The following PTPRM variants were observed in gnomAD, a reference collection of about 807,000 sequenced individuals.
The protein encoded by PTPRM is receptor-type tyrosine-protein phosphatase mu.
PTPRM carries 47 observed loss-of-function variants against 186.7 expected under a neutral mutation model. The ratio of observed to expected loss-of-function variants is 0.25; its 90% CI spans 0.20 to 0.32. PTPRM has a LOEUF of 0.32. Ranked by LOEUF, PTPRM falls within the 10% of genes least tolerant of loss-of-function variation. PTPRM has a pLI of 1.00. For missense variants in PTPRM, 1,494 were observed against 1,865.0 expected (o/e 0.80, Z 3.66); for synonymous variants, 668 against 674.9 (o/e 0.99, Z 0.16).
chr18:8,289,609 T>C (rs192617415), intron 19 of PTPRM, among the ~76,000 whole-genome samples: 3,419 of 123,660 alleles, frequency 0.028, 160 homozygotes, highest in African/African-American at 0.049. Context: ...TATACACACA[T>C]ATATATATAC....
chr18:7,796,542 A>G (rs1185438176), intron 2 of PTPRM, among the ~76,000 whole-genome samples: 1 of 152,178 alleles, frequency 6.6e-6, no homozygotes, highest in East Asian at 1.9e-4. Context: ...AGGGTACAGC[A>G]GTGTCACCCA....
intron 1 of PTPRM, among the ~76,000 whole-genome samples, chr18:7,760,954 C>T (rs2041741767): frequency 6.6e-6 from 1 of 152,114 alleles, no homozygotes; most frequent in Non-Finnish European, 1.5e-5. Flanking sequence ...GCCTCTTGGT[C>T]CAGGGTTGTT....
At chr18:7,920,847 T>G (rs2050819187) in intron 4 of PTPRM, among the ~76,000 whole-genome samples, 2 of 152,180 alleles carry the variant, frequency 1.3e-5, no homozygotes, top group Admixed American at 6.5e-5. Context: ...ACCTTTATTT[T>G]TCTGTGGATA....
intron 2 of PTPRM, among the ~76,000 whole-genome samples, chr18:7,810,174 A>G (rs1036692806): frequency 1.4e-4 from 22 of 152,250 alleles, no homozygotes; most frequent in South Asian, 4.1e-4. Flanking sequence ...CACCGCCCCC[A>G]CCACCTTTCT....
intron 2 of PTPRM, among the ~76,000 whole-genome samples, chr18:7,785,244 ATGTG>A (rs1481576966): frequency 6.6e-6 from 1 of 152,192 alleles, no homozygotes; most frequent in Non-Finnish European, 1.5e-5. Context: ...TTAACTGAGT[ATGTG>A]TAGAGGAAAA....
chr18:7,747,469 T>A (rs1055595743), intron 1 of PTPRM: 2 of 152,344 alleles, frequency 1.3e-5, no homozygotes, highest in African/African-American at 4.8e-5. Context: ...TGTCTCACAG[T>A]TCGGGAGACT....
intron 19 of PTPRM, among the ~76,000 whole-genome samples, chr18:8,289,652 G>A (rs889260883): frequency 7.8e-6 from 1 of 128,322 alleles, no homozygotes; most frequent in Non-Finnish European, 1.7e-5. Flanking sequence ...ATATATAGGC[G>A]GCAAACCTCA....
At chr18:8,264,317 C>T (rs2094672249) in intron 19 of PTPRM, among the ~76,000 whole-genome samples, 1 of 152,134 alleles carries the variant, frequency 6.6e-6, no homozygotes. Context: ...CAAAGAAACT[C>T]TATATCATCA....
At chr18:7,685,413 G>GT in intron 1 of PTPRM, among the ~76,000 whole-genome samples, 1 of 152,272 alleles carries the variant, frequency 6.6e-6, no homozygotes, top group South Asian at 2.1e-4. Flanking sequence ...GATAGTAAAC[G>GT]TATTAGAAAA....
intron 14 of PTPRM, among the ~76,000 whole-genome samples, chr18:8,236,601 G>GTGCAATCTTGGTTCGC (rs1483333926): frequency 3.3e-5 from 5 of 151,994 alleles, no homozygotes; most frequent in Non-Finnish European, 7.4e-5. Flanking sequence ...GAGTGAATTG[G>GTGCAATCTTGGTTCGC]TGCAATCTTG....
intron 1 of PTPRM, among the ~76,000 whole-genome samples, chr18:7,662,323 A>G (rs2038998831): frequency 6.6e-6 from 1 of 152,228 alleles, no homozygotes; most frequent in Non-Finnish European, 1.5e-5. Context: ...GTGTGTATCA[A>G]GAGATGAATG....
intron 2 of PTPRM, among the ~76,000 whole-genome samples, chr18:7,798,250 G>T (rs1037901602): frequency 6.6e-6 from 1 of 152,240 alleles, no homozygotes; most frequent in Non-Finnish European, 1.5e-5. Flanking sequence ...GTTAAGATGG[G>T]CCGGGCATGG....
intron 13 of PTPRM, among the ~76,000 whole-genome samples, chr18:8,117,023 A>T (rs1006684073): frequency 1.3e-5 from 2 of 152,218 alleles, no homozygotes; most frequent in Non-Finnish European, 2.9e-5. Flanking sequence ...CCCTCCAGGC[A>T]AAACTACACT....
At chr18:8,120,134 A>C (rs1201868528) in intron 13 of PTPRM, among the ~76,000 whole-genome samples, 1 of 152,160 alleles carries the variant, frequency 6.6e-6, no homozygotes, top group Non-Finnish European at 1.5e-5. Flanking sequence ...TAGGCAATAC[A>C]TTAACAATTA....
chr18:7,699,910 C>T (rs541851570), intron 1 of PTPRM, among the ~76,000 whole-genome samples: 3 of 152,112 alleles, frequency 2.0e-5, no homozygotes, highest in Non-Finnish European at 2.9e-5. Context: ...GATCAAGCTG[C>T]CTTTCTTCCA....
At chr18:7,798,423 G>A (rs2043782974) in intron 2 of PTPRM, among the ~76,000 whole-genome samples, 1 of 151,964 alleles carries the variant, frequency 6.6e-6, no homozygotes, top group South Asian at 2.1e-4. Flanking sequence ...CAGCTACTCA[G>A]GAGGCTGAGG....
intron 7 of PTPRM, among the ~76,000 whole-genome samples, chr18:7,999,849 G>A (rs1447866463): frequency 6.6e-6 from 1 of 152,086 alleles, no homozygotes; most frequent in Non-Finnish European, 1.5e-5. Context: ...TGGCCCACAT[G>A]TATGGAGGCT....
intron 22 of PTPRM, among the ~76,000 whole-genome samples, chr18:8,327,611 C>T (rs1486219266): frequency 2.6e-5 from 4 of 152,184 alleles, no homozygotes; most frequent in Non-Finnish European, 4.4e-5. Flanking sequence ...AGTAGAATAT[C>T]TCAGCCAGGT....
chr18:8,279,290 C>T (rs1292166261), intron 19 of PTPRM, among the ~76,000 whole-genome samples: 1 of 152,164 alleles, frequency 6.6e-6, no homozygotes, highest in African/African-American at 2.4e-5. Flanking sequence ...CATGAAACGG[C>T]ATCTGTGCAA....
Sources: gnomAD v4.1 joint callset for allele counts (sites outside exome capture counted in the v4.1 genomes callset) on GRCh38, gnomAD v4.1.1 for gene constraint, MANE v1.5 for transcripts, NCBI Gene and HGNC (gene_info 2026-07-23, HGNC 2026-07-21) for gene names.